The following RAB3C variants were observed in gnomAD, a reference collection of about 807,000 sequenced individuals.
RAB3C encodes RAB3C, member RAS oncogene family.
RAB3C carries 17 observed loss-of-function variants against 26.4 expected under a neutral mutation model. The ratio of observed to expected loss-of-function variants is 0.64; its 90% CI spans 0.44 to 0.97. The LOEUF is 0.97. Among genes scored for constraint, RAB3C ranks in the 50% least tolerant of loss-of-function variants. The pLI, the probability that RAB3C is intolerant of heterozygous loss-of-function variation, is 0.00. For missense variants in RAB3C, 242 were observed against 281.9 expected (o/e 0.86, Z 1.01); for synonymous variants, 91 against 95.9 (o/e 0.95, Z 0.30).
chr5:58,747,118 T>C (rs1741417577), intron 3 of RAB3C, among the ~76,000 whole-genome samples: 1 of 152,190 alleles, frequency 6.6e-6, no homozygotes, highest in Non-Finnish European at 1.5e-5. Context: ...TGGTTTTTTT[T>C]CTAACATTAT....
intron 3 of RAB3C, among the ~76,000 whole-genome samples, chr5:58,746,398 G>T (rs895103368): frequency 6.6e-6 from 1 of 152,164 alleles, no homozygotes; most frequent in Non-Finnish European, 1.5e-5. Flanking sequence ...GAGAGAATGG[G>T]TGATATGCTG....
Position 58,624,298 on chromosome 5 carries a change from G to A in RAB3C, c.252+6428G>A, listed in dbSNP as rs116815680. On this transcript the variant is annotated intron_variant, in intron 2 of 4. Transcript: ENST00000282878. ...ATGCCCAACACCATCCTGGGGACTC[G>A]GGAAGGTTTCCTGGGTGTAACAACA... Among the ~76,000 whole-genome samples the A allele has an allele frequency of 1.6e-3, 240 of 152,232 alleles. 2 individuals are homozygous for A. Among genetic ancestry groups the A allele is most frequent in the African/African-American group, 5.4e-3 (223 of 41,538 alleles).
intron 4 of RAB3C, among the ~76,000 whole-genome samples, chr5:58,841,117 G>A (rs1579948485): frequency 1.3e-5 from 2 of 152,206 alleles, no homozygotes; most frequent in Non-Finnish European, 2.9e-5. Flanking sequence ...GGGGCAGGGG[G>A]CAGGGGCACT....
upstream of RAB3C, among the ~76,000 whole-genome samples, chr5:58,582,884 G>A (rs1031673632): frequency 1.3e-5 from 2 of 152,222 alleles, no homozygotes; most frequent in African/African-American, 2.4e-5. Context: ...CGTTTGGAAA[G>A]GAGTAGGGAG....
intron 3 of RAB3C, among the ~76,000 whole-genome samples, chr5:58,802,200 T>C (rs1742823829): frequency 6.6e-6 from 1 of 152,212 alleles, no homozygotes; most frequent in Non-Finnish European, 1.5e-5. Context: ...CTTTCACTCA[T>C]CCTCACAAAC....
intron 2 of RAB3C, among the ~76,000 whole-genome samples, chr5:58,725,638 T>TA (rs773669446): frequency 6.6e-5 from 10 of 151,938 alleles, no homozygotes; most frequent in Non-Finnish European, 1.5e-4. Flanking sequence ...CTCAGTAGGG[T>TA]GACTATAATT....
intron 3 of RAB3C, among the ~76,000 whole-genome samples, chr5:58,751,597 A>C (rs1477196300): frequency 6.6e-6 from 1 of 152,252 alleles, no homozygotes; most frequent in Non-Finnish European, 1.5e-5. Flanking sequence ...TTGGATACAA[A>C]GAATATTTGT....
In RAB3C at chr5:58,823,024, T is replaced by A. The variant is rs665051; in HGVS notation, c.372-2014T>A. The A allele has an allele frequency of 2.7e-4, 160 of 603,414 alleles. 1 individual carries two copies. The highest frequency in any genetic ancestry group is 2.5e-3 in the African/African-American group (136 of 54,526). The allele number at this position is 603,414 out of a possible 1,614,324, so 37.4% of individuals were successfully genotyped here. ...AGGGAGCTGTTGATAAAGGCTGTTC[T>A]GTCCCTCACAGTACCAGATGATTCC... is the stretch of plus-strand genomic sequence containing the variant. On this transcript the variant is annotated intron_variant, in intron 3 of 4. Transcript: ENST00000282878.
intron 3 of RAB3C, among the ~76,000 whole-genome samples, chr5:58,789,209 T>C (rs1197637057): frequency 2.6e-5 from 4 of 152,116 alleles, no homozygotes; most frequent in African/African-American, 9.7e-5. Context: ...GCTGTTCTGC[T>C]TGGGGTACCA....
intron 4 of RAB3C, among the ~76,000 whole-genome samples, chr5:58,835,513 G>A (rs372171160): frequency 1.3e-5 from 2 of 152,132 alleles, no homozygotes; most frequent in South Asian, 2.1e-4. Flanking sequence ...CATGTCTCCT[G>A]TCCCATCTCG....
chr5:58,673,501 T>A (rs1748165404), intron 2 of RAB3C, among the ~76,000 whole-genome samples: 1 of 150,614 alleles, frequency 6.6e-6, no homozygotes, highest in African/African-American at 2.4e-5. Context: ...CAATTTTCAA[T>A]CCTCATTTAT....
chr5:58,822,743 A>G (rs925826772), intron 3 of RAB3C: 8 of 515,022 alleles, frequency 1.6e-5, no homozygotes, highest in African/African-American at 9.7e-5. Flanking sequence ...GCATATGTAC[A>G]TGGTACATGA....
At chr5:58,671,615 T>G (rs1187263224) in intron 2 of RAB3C, among the ~76,000 whole-genome samples, 2 of 152,200 alleles carry the variant, frequency 1.3e-5, no homozygotes, top group Admixed American at 6.5e-5. Context: ...TTTAACTAAG[T>G]CCTTCCCATG....
chr5:58,837,432 T>C (rs1330162615), intron 4 of RAB3C, among the ~76,000 whole-genome samples: 1 of 152,076 alleles, frequency 6.6e-6, no homozygotes, highest in Non-Finnish European at 1.5e-5. Context: ...CCCGCCCCTC[T>C]TGGCCTCCCA....
At chr5:58,832,011 A>G (rs1743622980) in intron 4 of RAB3C, among the ~76,000 whole-genome samples, 1 of 152,122 alleles carries the variant, frequency 6.6e-6, no homozygotes, top group Non-Finnish European at 1.5e-5. Flanking sequence ...CATGATTGAG[A>G]ACCACTGATT....
chr5:58,664,217 A>C (rs1386803526), intron 2 of RAB3C, among the ~76,000 whole-genome samples: 1 of 152,170 alleles, frequency 6.6e-6, no homozygotes, highest in Non-Finnish European at 1.5e-5. Flanking sequence ...ACTGGAAACA[A>C]CCTAGATTTC....
intron 2 of RAB3C, among the ~76,000 whole-genome samples, chr5:58,722,432 C>T (rs1480983181): frequency 6.7e-6 from 1 of 150,278 alleles, no homozygotes; most frequent in Non-Finnish European, 1.5e-5. Flanking sequence ...AAAGTGTGAC[C>T]AAGAGAAAAA....
chr5:58,789,043 G>T (rs1453738863), intron 3 of RAB3C, among the ~76,000 whole-genome samples: 1 of 152,096 alleles, frequency 6.6e-6, no homozygotes, highest in Non-Finnish European at 1.5e-5. Flanking sequence ...GGGTGCATGC[G>T]TGCATGCAGC....
In RAB3C at chr5:58,725,998, T is replaced by G. The variant is rs1358377377; in HGVS notation, c.253-4T>G. 6.5e-7 allele frequency: 1 copy of G among 1,536,172 alleles called. No individual in the cohort carries two copies. The highest frequency in any genetic ancestry group is 1.4e-5 in the African/African-American group (1 of 71,722). ...GAGATTATCATTTTTTTTTTATTCT[T>G]TAGGACACAGCAGGCCAGGAAAGAT... On this transcript the variant is annotated splice_region_variant and splice_polypyrimidine_tract_variant and intron_variant, in intron 2 of 4. Coordinates refer to ENST00000282878, the MANE Select transcript of RAB3C (RefSeq NM_138453.4).
Sources: allele counts gnomAD v4.1 joint callset (sites outside exome capture counted in the v4.1 genomes callset), GRCh38; gene constraint gnomAD v4.1.1; transcripts MANE v1.5; gene names NCBI Gene and HGNC (gene_info 2026-07-23, HGNC 2026-07-21).